Variants in RAI1 observed in about 807,000 individuals in gnomAD.
The protein encoded by RAI1 is retinoic acid-induced protein 1.
In RAI1, 9 loss-of-function variants were observed where a neutral mutation model predicts 123.8. That is an observed-to-expected ratio of 0.07 (90% CI 0.04 to 0.13). The LOEUF (loss-of-function observed/expected upper bound fraction) is 0.13, where lower values mean the gene tolerates loss of function less well. RAI1 is among the 10% of genes least tolerant of loss of function. The pLI, the probability that RAI1 is intolerant of heterozygous loss-of-function variation, is 1.00. For missense variants in RAI1, 2,256 were observed against 2,545.8 expected (o/e 0.89, Z 2.45); for synonymous variants, 1,231 against 1,127.3 (o/e 1.09, Z -1.84).
chr17:17,795,769 T>C lies in RAI1; in HGVS notation c.2821T>C (p.Trp941Arg). ...TVGTESKVQSWFESSLSHMKP... is the reference protein window; with the variant it reads ...TVGTESKVQSRFESSLSHMKP... The stretch of plus-strand genomic sequence containing the variant: ...GGGCACCGAGTCAAAGGTCCAGAGC[T>C]GGTTTGAGTCCTCTCTGTCACACAT... The change falls in exon 3 of 6, where the codon TGG becomes CGG. Residue 941 changes from tryptophan (W) to arginine (R), a missense_variant. Transcript: ENST00000353383. The surrounding 1 kb of genome is among the most constrained non-coding windows in gnomAD (Gnocchi z 5.9). 1 of 1,613,514 alleles carries C rather than the reference T, an allele frequency of 6.2e-7. No homozygotes were observed. The highest frequency in any genetic ancestry group is 8.5e-7 in the Non-Finnish European group (1 of 1,180,008).
rs148911367 is a variant in RAI1 at position 17,800,174 on chromosome 17, C to CTCTCTG, written c.5565+1667_5565+1672dup. Among the ~76,000 whole-genome samples the CTCTCTG allele has an allele frequency of 1.4e-5, 1 of 69,112 alleles. No homozygotes were observed. The allele number at this position is 69,112 out of a possible 152,430, so 45.3% of individuals were successfully genotyped here. ...TTTGCCTCTCTCCTGCTTTCTGTCT[C>CTCTCTG]TCTCTGTCTCTCTCTCTCTCTCTCT... On this transcript the variant is annotated intron_variant, in intron 3 of 5. Transcript: ENST00000353383. The surrounding 1 kb of genome is among the most constrained non-coding windows in gnomAD (Gnocchi z 4.7).
intron 2 of RAI1, among the ~76,000 whole-genome samples, chr17:17,768,445 G>A (rs1297552009): frequency 6.6e-6 from 1 of 152,150 alleles, no homozygotes; most frequent in Non-Finnish European, 1.5e-5. Context: ...ACACATCCAC[G>A]GTGCTCAATA....
At position 17,681,734 on chromosome 17, in the gene RAI1, C is replaced by T; in HGVS notation, c.-208C>T. 2 of 327,350 alleles carry T rather than the reference C, an allele frequency of 6.1e-6. No homozygotes were observed. The highest frequency in any genetic ancestry group is 1.4e-4 in the South Asian group (1 of 7,330). 20.3% of individuals were successfully genotyped at this position (327,350 alleles called of 1,614,324 possible). ...CCCCGACCCCCATGGCCACCCAGGC[C>T]TCCGGGCCGCGAAGTCGCAGCGCCA... On this transcript the variant is annotated 5_prime_UTR_variant, in exon 1 of 6. Coordinates refer to ENST00000353383, the MANE Select transcript of RAI1 (RefSeq NM_030665.4).
intron 2 of RAI1, among the ~76,000 whole-genome samples, chr17:17,731,717 C>T (rs1916277826): frequency 6.6e-6 from 1 of 152,128 alleles, no homozygotes; most frequent in African/African-American, 2.4e-5. Context: ...CCTGGAGCTG[C>T]TGTGCAGGCC....
chr17:17,805,124 GT>G (rs1418482319), intron 4 of RAI1, among the ~76,000 whole-genome samples: 1 of 152,196 alleles, frequency 6.6e-6, no homozygotes, highest in African/African-American at 2.4e-5. Flanking sequence ...GCTGCCTAAA[GT>G]GCTGGGATTA....
chr17:17,743,779 TTG>T (rs1206528551), intron 2 of RAI1, among the ~76,000 whole-genome samples: 11 of 152,216 alleles, frequency 7.2e-5, no homozygotes, highest in Admixed American at 7.2e-4. Flanking sequence ...GGAATCTGAA[TTG>T]TTACTAGCCT....
intron 2 of RAI1, chr17:17,776,658 C>CTTTTTTTTTTT (rs3075548): frequency 3.4e-4 from 20 of 59,370 alleles, no homozygotes; most frequent in African/African-American, 1.4e-3. Flanking sequence ...GCCTGGCTCA[C>CTTTTTTTTTTT]TTTTTTTTTT....
chr17:17,795,368 C>T lies in RAI1; in HGVS notation c.2420C>T (p.Pro807Leu). Residue 807 changes from proline (P) to leucine (L), a missense_variant, in exon 3 of 6, where the codon CCC becomes CTC. Coordinates refer to ENST00000353383, the MANE Select transcript of RAI1 (RefSeq NM_030665.4). This position sits in a 1 kb window ranked among gnomAD's most constrained non-coding sequence, Gnocchi z 5.9. ...CCTGGGGAGAAGGTGGCCTCGTTGC[C>T]CGGGGACTTCAAGCAGGAGGAGGTG... ...DPPGEKVASL[P>L]GDFKQEEVGG... 6.3e-7 allele frequency: 1 copy of T among 1,595,004 alleles called. No homozygotes were observed. The highest frequency in any genetic ancestry group is 8.6e-7 in the Non-Finnish European group (1 of 1,168,470).
At chr17:17,749,054 G>T (rs1285216156) in intron 2 of RAI1, among the ~76,000 whole-genome samples, 5 of 152,182 alleles carry the variant, frequency 3.3e-5, no homozygotes, top group Non-Finnish European at 7.4e-5. Context: ...GCCCCTGGGG[G>T]CCTCCTGGAT....
chr17:17,787,540 G>A (rs1198461132), intron 2 of RAI1, among the ~76,000 whole-genome samples: 1 of 152,230 alleles, frequency 6.6e-6, no homozygotes, highest in African/African-American at 2.4e-5. Context: ...CCTTCCCTGG[G>A]GGGCCTAGGA....
At chr17:17,713,375 C>G (rs1014689977) in intron 1 of RAI1, among the ~76,000 whole-genome samples, 1 of 152,140 alleles carries the variant, frequency 6.6e-6, no homozygotes, top group Non-Finnish European at 1.5e-5. Context: ...TGCAGTGGCT[C>G]ATGCCTGTAA....
intron 2 of RAI1, among the ~76,000 whole-genome samples, chr17:17,727,552 C>G (rs1916136077): frequency 6.6e-6 from 1 of 152,216 alleles, no homozygotes; most frequent in Non-Finnish European, 1.5e-5. Context: ...GCTACAGGCT[C>G]CCTGTTGCCC....
intron 2 of RAI1, among the ~76,000 whole-genome samples, chr17:17,771,024 G>T (rs992099564): frequency 1.3e-5 from 2 of 152,118 alleles, no homozygotes; most frequent in African/African-American, 4.8e-5. Context: ...CAGGGCTCAG[G>T]AAAGGGGGCT....
At chr17:17,806,722 G>A (rs2032599948) in intron 4 of RAI1, among the ~76,000 whole-genome samples, 1 of 152,224 alleles carries the variant, frequency 6.6e-6, no homozygotes, top group Non-Finnish European at 1.5e-5. Flanking sequence ...GGCTGGCCTG[G>A]GTGCGTCCTC....
At chr17:17,686,604 T>TGCGCGC (rs1487040603) in intron 1 of RAI1, among the ~76,000 whole-genome samples, 26 of 138,980 alleles carry the variant, frequency 1.9e-4, no homozygotes, top group African/African-American at 7.2e-4. Flanking sequence ...TGTGTGTGTG[T>TGCGCGC]GTGTGCACGC....
chr17:17,772,505 C>G (rs1351656885), intron 2 of RAI1, among the ~76,000 whole-genome samples: 1 of 152,232 alleles, frequency 6.6e-6, no homozygotes, highest in Non-Finnish European at 1.5e-5. Context: ...ACCACAACAT[C>G]TGTGCTCTCC....
intron 2 of RAI1, among the ~76,000 whole-genome samples, chr17:17,756,640 A>G (rs1354567507): frequency 8.6e-6 from 1 of 116,370 alleles, no homozygotes; most frequent in Non-Finnish European, 2.0e-5. Flanking sequence ...AAATCTCCAT[A>G]GAGTCTTCCG....
chr17:17,732,873 G>A (rs1171945677), intron 2 of RAI1, among the ~76,000 whole-genome samples: 1 of 152,224 alleles, frequency 6.6e-6, no homozygotes, highest in Non-Finnish European at 1.5e-5. Flanking sequence ...TCCACAGAGA[G>A]GCCAGGGCTT....
At position 17,796,090 on chromosome 17, in the gene RAI1, G is replaced by C; in HGVS notation, c.3142G>C (p.Ala1048Pro). 2 of 1,580,838 alleles carry C rather than the reference G, an allele frequency of 1.3e-6. No individual in the cohort carries two copies. The highest frequency in any genetic ancestry group is 1.8e-5 in the Admixed American group (1 of 54,980). ...MEGAGAPGRGASEGLPRMCTR... is the reference protein window; with the variant it reads ...MEGAGAPGRGPSEGLPRMCTR... The stretch of plus-strand genomic sequence containing the variant: ...AGGGGCTGGAGCCCCAGGCCGGGGG[G>C]CCTCGGAAGGGCTCCCCAGGATGTG... Residue 1048 changes from alanine (A) to proline (P), a missense_variant, in exon 3 of 6, where the codon GCC (alanine) becomes CCC (proline). Ala to Pro is a conservative substitution (Grantham distance 27). Transcript: ENST00000353383. This position sits in a 1 kb window ranked among gnomAD's most constrained non-coding sequence, Gnocchi z 5.8.
Sources: gnomAD v4.1 joint callset for allele counts (sites outside exome capture counted in the v4.1 genomes callset) on GRCh38, gnomAD v4.1.1 for gene constraint, Gnocchi (gnomAD v3.1) non-coding constraint, MANE v1.5 for transcripts, NCBI Gene and HGNC (gene_info 2026-07-23, HGNC 2026-07-21) for gene names.